FAM168A: variants seen among roughly 807,000 people sequenced by gnomAD.
FAM168A encodes the protein family with sequence similarity 168 member A.
In FAM168A, 3 loss-of-function variants were observed where a neutral mutation model predicts 28.5. The observed-to-expected ratio is 0.11, with a 90% CI of 0.05 to 0.27. The LOEUF is 0.27. Among genes scored for constraint, FAM168A ranks in the 10% least tolerant of loss-of-function variants. The pLI is 1.00. For missense variants in FAM168A, 222 were observed against 311.5 expected (o/e 0.71, Z 2.16); for synonymous variants, 122 against 124.2 (o/e 0.98, Z 0.12).
chr11:73,564,118 A>G (rs967051940), intron 1 of FAM168A, among the ~76,000 whole-genome samples: 2 of 152,222 alleles, frequency 1.3e-5, no homozygotes, highest in African/African-American at 2.4e-5. Context: ...AGCGGCTTAC[A>G]AAAGTCCTGA....
At chr11:73,521,404 C>A (rs1403931178) in intron 1 of FAM168A, among the ~76,000 whole-genome samples, 1 of 151,940 alleles carries the variant, frequency 6.6e-6, no homozygotes, top group Non-Finnish European at 1.5e-5. Flanking sequence ...GGGCACTTGA[C>A]CAAGCTGAGG....
In FAM168A at chr11:73,491,634, C is replaced by A. The variant is rs376975562; in HGVS notation, c.-18-23142G>T. On this transcript the variant is annotated intron_variant, in intron 1 of 7. Transcript: ENST00000356467. ...CTCAAGTTCCCTATTCTTTCTCCTG[C>A]ACCACACTGTTGTTGTATAAAAACG... Among the ~76,000 whole-genome samples, 23 of 152,336 alleles carry A rather than the reference C, an allele frequency of 1.5e-4. No homozygotes were observed. The South Asian group carries it at 4.8e-3, about 32-fold the overall frequency.
At chr11:73,557,390 G>A (rs941243903) in intron 1 of FAM168A, among the ~76,000 whole-genome samples, 2 of 146,742 alleles carry the variant, frequency 1.4e-5, no homozygotes, top group Admixed American at 6.8e-5. Flanking sequence ...TCCTGGCTAA[G>A]TTTTTTTTTT....
chr11:73,529,848 G>A (rs1943494541), intron 1 of FAM168A, among the ~76,000 whole-genome samples: 1 of 141,744 alleles, frequency 7.1e-6, no homozygotes, highest in Non-Finnish European at 1.5e-5. Context: ...CAGGCTGAGA[G>A]CAATCGCAGC....
At chr11:73,458,968 C>A (rs903236522) in intron 2 of FAM168A, among the ~76,000 whole-genome samples, 1 of 152,188 alleles carries the variant, frequency 6.6e-6, no homozygotes, top group Admixed American at 6.5e-5. Flanking sequence ...GATCACAAAT[C>A]GTAACTTTAA....
chr11:73,537,475 C>A lies in FAM168A; in HGVS notation c.-19+60448G>T, dbSNP rs537600834. Among the ~76,000 whole-genome samples the A allele has an allele frequency of 4.6e-5, 7 of 152,202 alleles. 1 individual carries two copies. The highest frequency in any genetic ancestry group is 1.9e-4 in the East Asian group (1 of 5,172). On this transcript the variant is annotated intron_variant, in intron 1 of 7. Transcript: ENST00000356467. ...ACTTGGGGGACTGAGGTAGGAGGAT[C>A]GCTTGAACCCGGGAGGCAGAGGAGG...
At chr11:73,457,222 T>C (rs888896126) in intron 2 of FAM168A, among the ~76,000 whole-genome samples, 3 of 138,462 alleles carry the variant, frequency 2.2e-5, no homozygotes, top group African/African-American at 9.9e-5. Context: ...ATCCCTTCTT[T>C]AATTTTTTTT....
rs1255631044 is a variant in FAM168A, at chr11:73,544,993, A to ATTATATATAATACATT, written c.-19+52929_-19+52930insAATGTATTATATATAA. On this transcript the variant is annotated intron_variant, in intron 1 of 7. Transcript: ENST00000356467. ...ATATTATATAATATATTTTATATAT[A>ATTATATATAATACATT]GTATATATAATATACTATATATATA... Among the ~76,000 whole-genome samples the ATTATATATAATACATT allele has an allele frequency of 1.1e-3, 85 of 77,822 alleles. 3 individuals carry two copies. Among genetic ancestry groups the ATTATATATAATACATT allele is most frequent in the African/African-American group, 6.8e-3 (81 of 11,826 alleles). 51.1% of individuals were successfully genotyped at this position (77,822 alleles called of 152,430 possible). A position where few individuals can be genotyped will look rare whatever the true frequency, so the allele number is the denominator to read the frequency against.
At chr11:73,589,265 A>T (rs12295567) in intron 1 of FAM168A, among the ~76,000 whole-genome samples, 4,520 of 152,248 alleles carry the variant, frequency 0.03, 219 homozygotes, top group African/African-American at 0.1. Flanking sequence ...TAAGCAAATT[A>T]AAAAATAATA....
chr11:73,518,776 A>G lies in FAM168A; in HGVS notation c.-18-50284T>C, dbSNP rs1287618224. 2.6e-5 allele frequency among the ~76,000 whole-genome samples: 4 copies of G among 152,284 alleles called. No individual in the cohort carries two copies. The East Asian group carries it at 5.8e-4, about 22-fold the overall frequency. On this transcript the variant is annotated intron_variant, in intron 1 of 7. Transcript: ENST00000356467. ...GCTGGGCGTGGTCGTGCGCACCTGT[A>G]GTCCCAGATACTCAGGAGGCTGAGG...
intron 1 of FAM168A, among the ~76,000 whole-genome samples, chr11:73,485,891 C>A (rs2134601291): frequency 6.6e-6 from 1 of 152,266 alleles, no homozygotes. Flanking sequence ...TGCTTCAGAG[C>A]AGCCAGGGAA....
chr11:73,584,323 C>A (rs1405421953), intron 1 of FAM168A, among the ~76,000 whole-genome samples: 6 of 152,002 alleles, frequency 3.9e-5, no homozygotes, highest in African/African-American at 1.4e-4. Context: ...CAGGCATGTG[C>A]CATCACTCCC....
intron 2 of FAM168A, among the ~76,000 whole-genome samples, chr11:73,457,972 A>G (rs2134558516): frequency 6.6e-6 from 1 of 152,186 alleles, no homozygotes; most frequent in South Asian, 2.1e-4. Context: ...AAAATTGGGG[A>G]CTACGTTTGT....
chr11:73,430,041 T>G (rs979025116), intron 3 of FAM168A: 2 of 152,506 alleles, frequency 1.3e-5, no homozygotes, highest in Non-Finnish European at 2.9e-5. Flanking sequence ...CTCCTGCTCT[T>G]GAGTATTAGA....
intron 2 of FAM168A, among the ~76,000 whole-genome samples, chr11:73,440,085 C>T (rs1029311494): frequency 2.0e-5 from 3 of 151,900 alleles, no homozygotes; most frequent in Non-Finnish European, 2.9e-5. Flanking sequence ...GGGGTTTCGC[C>T]ATGTTGGCCA....
At chr11:73,581,756 T>C (rs1401973781) in intron 1 of FAM168A, among the ~76,000 whole-genome samples, 1 of 152,096 alleles carries the variant, frequency 6.6e-6, no homozygotes, top group African/African-American at 2.4e-5. Context: ...TCTCCCTCTA[T>C]TGCCCAGGCT....
chr11:73,526,868 CAAAAAAAAAAAAAAAA>C (rs61073226), intron 1 of FAM168A, among the ~76,000 whole-genome samples: 12 of 51,902 alleles, frequency 2.3e-4, no homozygotes, highest in African/African-American at 7.7e-4. Flanking sequence ...GACTCCATCT[CAAAAAAAAAAAAAAAA>C]AAAAAAAAAC....
intron 1 of FAM168A, among the ~76,000 whole-genome samples, chr11:73,512,164 T>C (rs1381984535): frequency 6.6e-6 from 1 of 152,166 alleles, no homozygotes; most frequent in Non-Finnish European, 1.5e-5. Flanking sequence ...CACAATAATA[T>C]TGAACATAAT....
chr11:73,543,367 A>G (rs1943682003), intron 1 of FAM168A, among the ~76,000 whole-genome samples: 1 of 150,020 alleles, frequency 6.7e-6, no homozygotes, highest in African/African-American at 2.5e-5. Flanking sequence ...AGGTTCAAGC[A>G]ATTCTGCCTC....
Sources: allele counts gnomAD v4.1 joint callset (sites outside exome capture counted in the v4.1 genomes callset), GRCh38; gene constraint gnomAD v4.1.1; transcripts MANE v1.5; gene names NCBI Gene and HGNC (gene_info 2026-07-23, HGNC 2026-07-21).